Variants in TSPAN33 observed in about 807,000 individuals in gnomAD.
The protein encoded by TSPAN33 is tetraspanin-33.
TSPAN33 carries 27 observed loss-of-function variants against 34.8 expected under a neutral mutation model. The ratio of observed to expected loss-of-function variants is 0.78; its 90% confidence interval spans 0.57 to 1.07. TSPAN33 has a LOEUF of 1.07. Among genes scored for constraint, TSPAN33 ranks in the 50% least tolerant of loss-of-function variants. The probability of loss-of-function intolerance (pLI) is 0.00; values close to 1 mark genes in which losing one functional copy is unlikely to be tolerated. For synonymous variants in TSPAN33, 119 were observed against 124.2 expected (o/e 0.96, Z 0.28); for missense variants, 272 against 324.9 (o/e 0.84, Z 1.25).
Position 129,167,877 on chromosome 7 carries a change from A to G in TSPAN33, c.*3A>G. Reference sequence around the variant, plus strand: ...ACCGGGCTGACCCATGGTACTGAGAATCCATCCTGCACCTCCTCACCATGG... The same window carrying G: ...ACCGGGCTGACCCATGGTACTGAGAGTCCATCCTGCACCTCCTCACCATGG... On this transcript the variant is annotated 3_prime_UTR_variant, in exon 8 of 8. Transcript: ENST00000486685. This position sits in a 1 kb window ranked among gnomAD's most constrained non-coding sequence, Gnocchi z 4.6. The G allele has an allele frequency of 2.5e-6, 4 of 1,613,806 alleles. No homozygotes were observed. The South Asian group carries it at 4.4e-5, about 18-fold the overall frequency.
intron 2 of TSPAN33, among the ~76,000 whole-genome samples, 155 bp downstream of exon 2, chr7:129,161,891 C>G (rs527965132): frequency 1.3e-5 from 2 of 152,182 alleles, no homozygotes; most frequent in African/African-American, 2.4e-5. Flanking sequence ...TCAGACCCCC[C>G]CAGGCCAGTG....
chr7:129,162,977 T>A lies in TSPAN33; in HGVS notation c.363+70T>A, dbSNP rs1486942921. The stretch of plus-strand genomic sequence containing the variant: ...GAGGAAGGAAGGTTCCTGCCCATGT[T>A]TAGCCTGGTTAATTAACCACAGCTC... On this transcript the variant is annotated intron_variant, in intron 4 of 7. Coordinates refer to ENST00000486685, the MANE Select transcript of TSPAN33 (RefSeq NM_178562.5). The A allele has an allele frequency of 2.7e-6, 4 of 1,461,828 alleles. No homozygotes were observed. The African/African-American group carries it at 5.6e-5, about 20-fold the overall frequency. 90.6% of individuals were successfully genotyped at this position (1,461,828 alleles called of 1,614,324 possible). A position where few individuals can be genotyped will look rare whatever the true frequency, so the allele number is the denominator to read the frequency against.
intron 1 of TSPAN33, among the ~76,000 whole-genome samples, chr7:129,147,568 C>T (rs1810537540): frequency 6.6e-6 from 1 of 152,182 alleles, no homozygotes. Flanking sequence ...GACTGGTTCC[C>T]ATGCTTTCTT....
At position 129,169,258 on chromosome 7, in the gene TSPAN33, T is replaced by A. The variant is rs921350130; in HGVS notation, c.*1384T>A. Among the ~76,000 whole-genome samples the A allele has an allele frequency of 6.6e-6, 1 of 152,008 alleles. No individual in the cohort carries two copies. The highest frequency in any genetic ancestry group is 1.5e-5 in the Non-Finnish European group (1 of 67,998). On this transcript the variant is annotated 3_prime_UTR_variant, in exon 8 of 8. Transcript: ENST00000486685. ...GCTGTAGGGAGGACTCCGAGGAAGC[T>A]CGGCGCGGTGCGCTGGGCCTCCTGG...
intron 1 of TSPAN33, among the ~76,000 whole-genome samples, chr7:129,146,603 C>A (rs1481695022): frequency 6.6e-6 from 1 of 152,132 alleles, no homozygotes; most frequent in Non-Finnish European, 1.5e-5. Context: ...AGTAGTTAAC[C>A]AGTCAACCCA....
chr7:129,151,041 T>G (rs1310296473), intron 1 of TSPAN33, among the ~76,000 whole-genome samples: 1 of 152,222 alleles, frequency 6.6e-6, no homozygotes, highest in Non-Finnish European at 1.5e-5. Context: ...AGCTCCACTG[T>G]TGTCTCCTGG....
At chr7:129,158,546 C>G (rs748962410) in intron 1 of TSPAN33, among the ~76,000 whole-genome samples, 8 of 152,092 alleles carry the variant, frequency 5.3e-5, no homozygotes, top group Non-Finnish European at 1.2e-4. Context: ...TTCCTCCTAC[C>G]CTTCACTCTA....
chr7:129,149,695 T>C (rs1362812483), intron 1 of TSPAN33, among the ~76,000 whole-genome samples: 2 of 152,186 alleles, frequency 1.3e-5, no homozygotes, highest in South Asian at 2.1e-4. Flanking sequence ...TTCTTAACCT[T>C]GGAAGAACAA....
At chr7:129,162,773 C>T (rs900226246) in intron 3 of TSPAN33, 60 bp from the exon 4 acceptor site, 2 of 1,572,382 alleles carry the variant, frequency 1.3e-6, no homozygotes, top group Admixed American at 3.4e-5. Context: ...TCCCCTTGGC[C>T]CTGGAAGGGG....
intron 1 of TSPAN33, among the ~76,000 whole-genome samples, chr7:129,149,844 A>T (rs1810569779): frequency 6.6e-6 from 1 of 152,218 alleles, no homozygotes; most frequent in Non-Finnish European, 1.5e-5. Context: ...CCTCCCATGG[A>T]CAGCCGCCAC....
Position 129,164,586 on chromosome 7 carries a change from G to C in TSPAN33, c.459+17G>C. The C allele has an allele frequency of 6.2e-7, 1 of 1,608,124 alleles. No individual in the cohort carries two copies. The highest frequency in any genetic ancestry group is 8.5e-7 in the Non-Finnish European group (1 of 1,175,548). ...CAGAAAAAGGTATGGGTCAGCCAGTGGTCTGGGGGACTGTGGGTAAAAGTG... is the reference window on the plus strand; with the variant it reads ...CAGAAAAAGGTATGGGTCAGCCAGTCGTCTGGGGGACTGTGGGTAAAAGTG... On this transcript the variant is annotated intron_variant, in intron 5 of 7. Transcript: ENST00000486685.
At chr7:129,145,394 A>G (rs1810506413) in intron 1 of TSPAN33, among the ~76,000 whole-genome samples, 1 of 151,828 alleles carries the variant, frequency 6.6e-6, no homozygotes, top group South Asian at 2.1e-4. Context: ...TGACACATTC[A>G]TGATGGGGGT....
chr7:129,167,550 C>T lies in TSPAN33; in HGVS notation c.740C>T (p.Ala247Val). The change falls in exon 7 of 8, where the codon GCC (alanine) becomes GTC (valine). Residue 247 changes from alanine (A) to valine (V), a missense_variant. Transcript: ENST00000486685. This position sits in a 1 kb window ranked among gnomAD's most constrained non-coding sequence, Gnocchi z 4.6. ...CTTGGTGGTGTGGCTCTAGGCCTGG[C>T]CATCCCCCAGGTAACTTACCCTGTG... ...FLLGGVALGLAIPQLVGILLS... is the reference protein window; with the variant it reads ...FLLGGVALGLVIPQLVGILLS... 1 of 1,613,666 alleles carries T rather than the reference C, an allele frequency of 6.2e-7. No individual in the cohort carries two copies. The highest frequency in any genetic ancestry group is 8.5e-7 in the Non-Finnish European group (1 of 1,179,722).
At chr7:129,163,469 A>C (rs1313986693) in intron 4 of TSPAN33, among the ~76,000 whole-genome samples, 1 of 151,706 alleles carries the variant, frequency 6.6e-6, no homozygotes, top group Non-Finnish European at 1.5e-5. Context: ...GATTACAGTC[A>C]TGTGCCACCA....
chr7:129,150,783 G>C (rs1379955708), intron 1 of TSPAN33, among the ~76,000 whole-genome samples: 1 of 152,146 alleles, frequency 6.6e-6, no homozygotes, highest in East Asian at 1.9e-4. Flanking sequence ...GGGGGTGGGC[G>C]TGGAGAGTGA....
chr7:129,149,211 T>G (rs1810560022), intron 1 of TSPAN33, among the ~76,000 whole-genome samples: 1 of 152,196 alleles, frequency 6.6e-6, no homozygotes, highest in African/African-American at 2.4e-5. Context: ...TCCCAGCAGC[T>G]TTGTTTGCCC....
intron 4 of TSPAN33, 100 bp downstream of exon 4, chr7:129,163,007 C>G (rs1793076014): frequency 9.0e-7 from 1 of 1,112,136 alleles, no homozygotes; most frequent in South Asian, 1.4e-5. Flanking sequence ...CAGCTCCTTC[C>G]CCTGAGAAAC....
In TSPAN33 at chr7:129,164,479, A is replaced by G. The variant is rs1793106546; in HGVS notation, c.369A>G (p.Arg123=). Residue 123 remains arginine (R), a synonymous_variant, in exon 5 of 8, where the codon CGA becomes CGG. Coordinates refer to ENST00000486685, the MANE Select transcript of TSPAN33 (RefSeq NM_178562.5). ...CTTGCCCATGTCTCCGGCAGGCTCGAGGGAAAGTGAGTGAGATCATCAACA... is the reference window on the plus strand; with the variant it reads ...CTTGCCCATGTCTCCGGCAGGCTCGGGGGAAAGTGAGTGAGATCATCAACA... ...ILGFVFSDKA[R]GKVSEIINNA... The G allele has an allele frequency of 6.2e-7, 1 of 1,613,986 alleles. No homozygotes were observed. The highest frequency in any genetic ancestry group is 8.5e-7 in the Non-Finnish European group (1 of 1,179,958).
At chr7:129,161,575 T>C in intron 1 of TSPAN33, 104 bp from the exon 2 acceptor site, 1 of 1,093,748 alleles carries the variant, frequency 9.1e-7, no homozygotes, top group Non-Finnish European at 1.4e-6. Context: ...CACCTTTGGG[T>C]CCCAGGAAAG....
Sources: gnomAD v4.1 joint callset for allele counts (sites outside exome capture counted in the v4.1 genomes callset) on GRCh38, gnomAD v4.1.1 for gene constraint, Gnocchi (gnomAD v3.1) non-coding constraint, MANE v1.5 for transcripts, NCBI Gene and HGNC (gene_info 2026-07-23, HGNC 2026-07-21) for gene names.